Variants in ME1 observed in about 807,000 individuals in gnomAD.
ME1 encodes the protein NADP-dependent malic enzyme.
ME1 carries 74 observed loss-of-function variants against 66.4 expected under a neutral mutation model. That is an observed-to-expected ratio of 1.11 (90% confidence interval 0.92 to 1.35). ME1 has a LOEUF of 1.35. ME1 is among the 40% of genes most tolerant of loss of function. The pLI, the probability that ME1 is intolerant of heterozygous loss-of-function variation, is 0.00. For missense variants in ME1, 750 were observed against 694.1 expected (o/e 1.08, Z -0.90); for synonymous variants, 251 against 235.6 (o/e 1.07, Z -0.60).
At chr6:83,234,423 C>T (rs1323206989) in intron 9 of ME1, among the ~76,000 whole-genome samples, 32 of 152,084 alleles carry the variant, frequency 2.1e-4, no homozygotes, top group Admixed American at 2.0e-3. Flanking sequence ...CTGAGGTCTC[C>T]ACAATCACCT....
chr6:83,342,211 C>G (rs1191277010), intron 5 of ME1, among the ~76,000 whole-genome samples: 1 of 152,212 alleles, frequency 6.6e-6, no homozygotes, highest in Non-Finnish European at 1.5e-5. Flanking sequence ...TTAGAAGATT[C>G]TGTATCCAGG....
intron 6 of ME1, among the ~76,000 whole-genome samples, chr6:83,299,739 G>A (rs1767677865): frequency 6.6e-6 from 1 of 152,114 alleles, no homozygotes; most frequent in African/African-American, 2.4e-5. Context: ...CTGTGGGTCT[G>A]TCATAAATGG....
At chr6:83,413,202 G>C (rs1359500054) in intron 1 of ME1, among the ~76,000 whole-genome samples, 2 of 152,064 alleles carry the variant, frequency 1.3e-5, no homozygotes, top group Admixed American at 1.3e-4. Context: ...GTAGAGACTG[G>C]GTTTCACCAT....
intron 9 of ME1, among the ~76,000 whole-genome samples, chr6:83,233,969 CAACCTTTTA>C (rs1790348165): frequency 6.6e-6 from 1 of 151,854 alleles, no homozygotes; most frequent in Non-Finnish European, 1.5e-5. Context: ...AAATATATAA[CAACCTTTTA>C]AAATGTAATT....
At chr6:83,381,292 T>C (rs951921092) in intron 3 of ME1, among the ~76,000 whole-genome samples, 2 of 152,160 alleles carry the variant, frequency 1.3e-5, no homozygotes, top group East Asian at 1.9e-4. Flanking sequence ...CAAGAAAGGA[T>C]TGGTTCAGGA....
At chr6:83,378,160 T>C (rs1356641516) in intron 3 of ME1, among the ~76,000 whole-genome samples, 2 of 151,448 alleles carry the variant, frequency 1.3e-5, no homozygotes, top group South Asian at 2.1e-4. Context: ...AAATGTGTGT[T>C]TGCAAGACTC....
In ME1 at chr6:83,210,537, C is replaced by T. The variant is rs923084059; in HGVS notation, c.*1387G>A. 2 of 152,590 alleles carry T rather than the reference C, an allele frequency of 1.3e-5. No individual in the cohort carries two copies. The highest frequency in any genetic ancestry group is 2.9e-5 in the Non-Finnish European group (2 of 68,030). 9.5% of individuals were successfully genotyped at this position (152,590 alleles called of 1,614,324 possible). A position where few individuals can be genotyped will look rare whatever the true frequency, so the allele number is the denominator to read the frequency against. ...AATACACAGACATTCTGATTCTTCTCCAAATAACTATTTTGAGGAAACTCT... is the reference window on the plus strand; with the variant it reads ...AATACACAGACATTCTGATTCTTCTTCAAATAACTATTTTGAGGAAACTCT... On this transcript the variant is annotated 3_prime_UTR_variant, in exon 14 of 14. Transcript: ENST00000369705.
intron 2 of ME1, among the ~76,000 whole-genome samples, chr6:83,404,702 T>C (rs1433379182): frequency 6.6e-6 from 1 of 152,098 alleles, no homozygotes; most frequent in Non-Finnish European, 1.5e-5. Context: ...AAGGAAGGGG[T>C]CCAGTTTCAG....
At chr6:83,373,098 C>T (rs990200370) in intron 3 of ME1, among the ~76,000 whole-genome samples, 2 of 152,144 alleles carry the variant, frequency 1.3e-5, no homozygotes, top group African/African-American at 4.8e-5. Flanking sequence ...TTAGATAACA[C>T]TTTATTAAAT....
chr6:83,218,471 G>A (rs1790031507), intron 12 of ME1, among the ~76,000 whole-genome samples: 2 of 152,194 alleles, frequency 1.3e-5, no homozygotes, highest in Admixed American at 6.5e-5. Context: ...GAATGGGAAA[G>A]GGAGAGCCAG....
At chr6:83,376,651 A>T (rs1244224239) in intron 3 of ME1, among the ~76,000 whole-genome samples, 2 of 151,238 alleles carry the variant, frequency 1.3e-5, no homozygotes, top group African/African-American at 4.9e-5. Context: ...AAAAAAAAAA[A>T]AATTAGCTGG....
At chr6:83,324,951 G>A (rs1274202785) in intron 5 of ME1, among the ~76,000 whole-genome samples, 1 of 151,968 alleles carries the variant, frequency 6.6e-6, no homozygotes, top group Non-Finnish European at 1.5e-5. Flanking sequence ...GACGAACATT[G>A]ACACAAAAGT....
intron 5 of ME1, among the ~76,000 whole-genome samples, chr6:83,329,590 G>C (rs1768366456): frequency 6.6e-6 from 1 of 152,024 alleles, no homozygotes; most frequent in African/African-American, 2.4e-5. Context: ...ATTCATATCT[G>C]TACCTGCTAT....
intron 3 of ME1, among the ~76,000 whole-genome samples, chr6:83,370,469 T>C (rs1323433944): frequency 6.6e-6 from 1 of 152,062 alleles, no homozygotes; most frequent in East Asian, 1.9e-4. Flanking sequence ...ACGAGACAAT[T>C]TGAAATGAGG....
At chr6:83,340,069 A>G (rs1768548870) in intron 5 of ME1, among the ~76,000 whole-genome samples, 1 of 152,156 alleles carries the variant, frequency 6.6e-6, no homozygotes, top group Non-Finnish European at 1.5e-5. Context: ...TTAATTTTTA[A>G]CTGGTTATTA....
At chr6:83,222,714 A>G (rs1393417431) in intron 12 of ME1, among the ~76,000 whole-genome samples, 3 of 152,194 alleles carry the variant, frequency 2.0e-5, no homozygotes, top group African/African-American at 4.8e-5. Context: ...GCAGCTCATG[A>G]TATCTCTTGT....
In ME1 at chr6:83,398,710, G is replaced by C. The variant is rs199752850; in HGVS notation, c.213-194C>G. Among the ~76,000 whole-genome samples, 22 of 152,278 alleles carry C rather than the reference G, an allele frequency of 1.4e-4. No individual in the cohort carries two copies. In the East Asian group the frequency reaches 4.3e-3, roughly 29 times the overall value. ...GTCTTGGCCGGGCACAGTGGTTCAT[G>C]CCTGTAATCCCAGCACCTTGGGAGG... On this transcript the variant is annotated intron_variant, in intron 2 of 13. Coordinates refer to ENST00000369705, the MANE Select transcript of ME1 (RefSeq NM_002395.6).
intron 7 of ME1, among the ~76,000 whole-genome samples, chr6:83,249,191 C>T (rs939799818): frequency 2.0e-5 from 3 of 151,908 alleles, no homozygotes; most frequent in Non-Finnish European, 4.4e-5. Flanking sequence ...AGCTGCCATA[C>T]TAAATACTTA....
At chr6:83,327,485 T>C (rs1313906175) in intron 5 of ME1, among the ~76,000 whole-genome samples, 1 of 152,152 alleles carries the variant, frequency 6.6e-6, no homozygotes, top group Non-Finnish European at 1.5e-5. Flanking sequence ...CTGTCTCTTA[T>C]GGTTGAGTCT....
Sources: allele counts gnomAD v4.1 joint callset (sites outside exome capture counted in the v4.1 genomes callset), GRCh38; gene constraint gnomAD v4.1.1; transcripts MANE v1.5; gene names NCBI Gene and HGNC (gene_info 2026-07-23, HGNC 2026-07-21).